The following CLEC5A variants were observed in gnomAD, a reference collection of about 807,000 sequenced individuals.
CLEC5A encodes C-type lectin domain family 5 member A.
Under a neutral mutation model 24.4 loss-of-function variants are expected in CLEC5A, and 15 were observed. The observed-to-expected ratio is 0.62, with a 90% CI of 0.41 to 0.95. The LOEUF (loss-of-function observed/expected upper bound fraction) is 0.95, where lower values mean the gene tolerates loss of function less well. Among genes scored for constraint, CLEC5A ranks in the 40% least tolerant of loss-of-function variants. The pLI, the probability that CLEC5A is intolerant of heterozygous loss-of-function variation, is 0.00. For missense variants in CLEC5A, 211 were observed against 224.0 expected, an observed-to-expected ratio of 0.94 and a Z score of 0.37; for synonymous variants, 71 against 72.6, an observed-to-expected ratio of 0.98 and a Z score of 0.11.
chr7:141,934,613 G>GTTTTTTTTTTTTTTT (rs577797546), intron 5 of CLEC5A, among the ~76,000 whole-genome samples: 2 of 61,786 alleles, frequency 3.2e-5, no homozygotes, highest in Non-Finnish European at 2.9e-5. Flanking sequence ...TTTCTTTAAC[G>GTTTTTTTTTTTTTTT]TTTTTTTTTT....
At chr7:141,939,422 T>A (rs950929045) in intron 4 of CLEC5A, among the ~76,000 whole-genome samples, 4 of 151,630 alleles carry the variant, frequency 2.6e-5, no homozygotes, top group Admixed American at 6.6e-5. Flanking sequence ...AATCAAAAAA[T>A]ATACAGTAGA....
At chr7:141,934,078 C>A (rs1430948213) in intron 5 of CLEC5A, among the ~76,000 whole-genome samples, 2 of 152,192 alleles carry the variant, frequency 1.3e-5, no homozygotes, top group Admixed American at 6.5e-5. Context: ...TGGGCTGGAA[C>A]CTGACCCTGA....
intron 4 of CLEC5A, 33 bp downstream of exon 4, chr7:141,943,863 G>A: frequency 1.5e-6 from 2 of 1,363,002 alleles, no homozygotes; most frequent in Non-Finnish European, 2.1e-6. Context: ...AGAACCTAGG[G>A]GATGGGGAGT....
intron 5 of CLEC5A, among the ~76,000 whole-genome samples, chr7:141,934,979 C>T (rs144508590): frequency 1.1e-3 from 171 of 152,184 alleles, no homozygotes; most frequent in African/African-American, 4.0e-3. Context: ...CTTTTCATTC[C>T]CCTGTCTTGC....
At chr7:141,937,037 C>A (rs1802653113) in intron 4 of CLEC5A, among the ~76,000 whole-genome samples, 1 of 151,902 alleles carries the variant, frequency 6.6e-6, no homozygotes, top group African/African-American at 2.4e-5. Context: ...AATTCTTGGG[C>A]CCTGAATAAC....
At chr7:141,935,565 G>A (rs1802592756) in intron 5 of CLEC5A, among the ~76,000 whole-genome samples, 1 of 152,146 alleles carries the variant, frequency 6.6e-6, no homozygotes, top group Non-Finnish European at 1.5e-5. Flanking sequence ...GCTAATTACA[G>A]TGCGCTATAG....
At chr7:141,937,873 GTC>G (rs1409282578) in intron 4 of CLEC5A, among the ~76,000 whole-genome samples, 5 of 152,330 alleles carry the variant, frequency 3.3e-5, no homozygotes, top group African/African-American at 1.2e-4. Flanking sequence ...AAGAATAAGA[GTC>G]TCTGTCTGGT....
At position 141,945,298 on chromosome 7, in the gene CLEC5A, G is replaced by A. The variant is rs782555126; in HGVS notation, c.139+43C>T. 2.2e-6 allele frequency: 3 copies of A among 1,374,976 alleles called. No homozygotes were observed. In the East Asian group the frequency reaches 6.9e-5, roughly 31 times the overall value. The allele number at this position is 1,374,976 out of a possible 1,614,324, so 85.2% of individuals were successfully genotyped here. On this transcript the variant is annotated intron_variant, in intron 3 of 6. Coordinates refer to ENST00000546910, the MANE Select transcript of CLEC5A (RefSeq NM_013252.3). ...AGGTCTCTAGGAATTCAGCATAGAA[G>A]TAGCAGGAGGATGGGGAGAAGATTT...
intron 3 of CLEC5A, among the ~76,000 whole-genome samples, chr7:141,944,794 C>CT (rs1481008757): frequency 5.9e-5 from 9 of 152,118 alleles, no homozygotes; most frequent in African/African-American, 2.2e-4. Context: ...TTTATAGACT[C>CT]TAAGATGTAA....
chr7:141,941,294 A>T (rs77195678), intron 4 of CLEC5A, among the ~76,000 whole-genome samples: 2,757 of 152,280 alleles, frequency 0.018, 50 homozygotes, highest in South Asian at 0.068. Flanking sequence ...AATCAATGTA[A>T]TACATTATAT....
intron 5 of CLEC5A, among the ~76,000 whole-genome samples, chr7:141,935,261 T>C (rs1358407466): frequency 2.0e-5 from 3 of 152,198 alleles, no homozygotes; most frequent in African/African-American, 7.2e-5. Flanking sequence ...TTATTTGACC[T>C]TGGGCAAATT....
chr7:141,930,576 T>C (rs1802430743), intron 6 of CLEC5A, among the ~76,000 whole-genome samples: 3 of 152,190 alleles, frequency 2.0e-5, no homozygotes, highest in South Asian at 4.1e-4. Flanking sequence ...TAGGATAGCA[T>C]GCATGTTCAC....
chr7:141,938,094 A>G (rs988233663), intron 4 of CLEC5A, among the ~76,000 whole-genome samples: 7 of 152,112 alleles, frequency 4.6e-5, no homozygotes, highest in Admixed American at 4.6e-4. Flanking sequence ...TAAATACCTA[A>G]ATCTTCTATG....
At chr7:141,945,863 G>T in intron 2 of CLEC5A, 1 of 314,650 alleles carries the variant, frequency 3.2e-6, no homozygotes, top group Non-Finnish European at 5.9e-6. Context: ...CCATGGCCTT[G>T]TCATTGGGTT....
Position 141,946,284 on chromosome 7 carries a change from C to A in CLEC5A, c.9G>T (p.Trp3Cys). ...CAATAAGCCCAGAGATGATCATGTG[C>A]CAGTTCATGATGAAGGAGCTGCAGG... is the stretch of plus-strand genomic sequence containing the variant. MNWHMIISGLIVV... is the reference protein window; with the variant it reads MNCHMIISGLIVV... The change falls in exon 2 of 7, where the codon TGG becomes TGT. Residue 3 changes from tryptophan to cysteine, a missense_variant. By Grantham distance (215) the Trp-to-Cys change is radical (BLOSUM62 -2). Transcript: ENST00000546910. The A allele has an allele frequency of 6.4e-7, 1 of 1,568,720 alleles. No homozygotes were observed. The highest frequency in any genetic ancestry group is 1.2e-5 in the South Asian group (1 of 85,270).
In CLEC5A at chr7:141,930,132, C is replaced by A. The variant is rs192993417; in HGVS notation, c.539G>T (p.Arg180Leu). 2.2e-4 allele frequency: 360 copies of A among 1,613,938 alleles called. No individual in the cohort carries two copies. The highest frequency in any genetic ancestry group is 2.7e-4 in the Non-Finnish European group (320 of 1,179,842). The change falls in exon 7 of 7, where the codon CGC (arginine) becomes CTC (leucine). Residue 180 changes from arginine (R) to leucine (L), a missense_variant. Transcript: ENST00000546910. ...TTTGGCATTCTTCTCACAGATCCTG[C>A]GGTAGCTGATGTCACATGATGCAGC... ...FDAASCDISY[R>L]RICEKNAK
At position 141,927,686 on chromosome 7, in the gene CLEC5A, G is replaced by A. The variant is rs1428437176; in HGVS notation, c.*2418C>T. The A allele has an allele frequency of 6.6e-6, 1 of 152,160 alleles. No homozygotes were observed. Among genetic ancestry groups the A allele is most frequent in the African/African-American group, 2.4e-5 (1 of 41,422 alleles). The allele number at this position is 152,160 out of a possible 1,614,324, so 9.4% of individuals were successfully genotyped here. On this transcript the variant is annotated 3_prime_UTR_variant, in exon 7 of 7. Coordinates refer to ENST00000546910, the MANE Select transcript of CLEC5A (RefSeq NM_013252.3). Reference sequence around the variant, plus strand: ...TGTGTCTTTGATCTCATGTGGCTTGGCCACAACATTTTTAAGGCACCCTTC... The same window carrying A: ...TGTGTCTTTGATCTCATGTGGCTTGACCACAACATTTTTAAGGCACCCTTC...
chr7:141,933,516 A>T (rs950798273), intron 5 of CLEC5A, among the ~76,000 whole-genome samples: 1 of 147,852 alleles, frequency 6.8e-6, no homozygotes, highest in African/African-American at 2.5e-5. Context: ...TGCTTTGGTC[A>T]AGGAATAGGC....
chr7:141,945,705 G>A (rs1428407706), intron 2 of CLEC5A: 1 of 426,212 alleles, frequency 2.3e-6, no homozygotes, highest in Non-Finnish European at 4.2e-6. Flanking sequence ...CTGGCTTCTG[G>A]GGCTAGAGAA....
Sources: gnomAD v4.1 joint callset for allele counts (sites outside exome capture counted in the v4.1 genomes callset) on GRCh38, gnomAD v4.1.1 for gene constraint, MANE v1.5 for transcripts, NCBI Gene and HGNC (gene_info 2026-07-23, HGNC 2026-07-21) for gene names.